Variants in IQCJ observed in about 807,000 individuals in gnomAD.
IQCJ encodes IQ motif containing J.
In IQCJ, 9 loss-of-function variants were observed where a neutral mutation model predicts 11.0. The ratio of observed to expected loss-of-function variants is 0.82; its 90% CI spans 0.49 to 1.43. The LOEUF is 1.43. Ranked by LOEUF, IQCJ falls within the 40% of genes most tolerant of loss-of-function variation. The pLI is 0.00. For missense variants in IQCJ, 146 were observed against 133.2 expected, an observed-to-expected ratio of 1.10 and a Z score of -0.47; for synonymous variants, 55 against 51.3, an observed-to-expected ratio of 1.07 and a Z score of -0.31.
downstream of IQCJ, chr3:159,265,501 A>G (rs765633135): frequency 3.6e-5 from 34 of 941,564 alleles, no homozygotes; most frequent in Non-Finnish European, 5.0e-5. Context: ...CCATGAGTCC[A>G]TTTGGAACTT....
intron 1 of IQCJ, among the ~76,000 whole-genome samples, chr3:159,205,658 G>T (rs1724616505): frequency 6.6e-6 from 1 of 152,154 alleles, no homozygotes; most frequent in Admixed American, 6.5e-5. Context: ...GAAGGCAAAG[G>T]CCAGACATCT....
At chr3:159,143,641 A>C (rs1015047851) in intron 1 of IQCJ, among the ~76,000 whole-genome samples, 5 of 152,184 alleles carry the variant, frequency 3.3e-5, no homozygotes, top group African/African-American at 1.2e-4. Flanking sequence ...AGGTTGGAGG[A>C]AGGAGAGAAG....
At chr3:159,119,982 T>C (rs1335641037) in intron 1 of IQCJ, among the ~76,000 whole-genome samples, 1 of 152,252 alleles carries the variant, frequency 6.6e-6, no homozygotes, top group Non-Finnish European at 1.5e-5. Flanking sequence ...TTTTTTAGAA[T>C]TGTATATTTC....
intron 1 of IQCJ, among the ~76,000 whole-genome samples, chr3:159,121,170 G>A (rs1263358109): frequency 7.0e-6 from 1 of 142,180 alleles, no homozygotes; most frequent in African/African-American, 2.6e-5. Flanking sequence ...GTCTTGCACT[G>A]TTGCCCAGGC....
chr3:159,193,364 C>T (rs1723798737), intron 1 of IQCJ, among the ~76,000 whole-genome samples: 1 of 152,138 alleles, frequency 6.6e-6, no homozygotes, highest in Non-Finnish European at 1.5e-5. Flanking sequence ...GTGTTATTTC[C>T]AATCTGATAC....
chr3:159,141,321 G>A (rs577946347), intron 1 of IQCJ, among the ~76,000 whole-genome samples: 1 of 152,288 alleles, frequency 6.6e-6, no homozygotes, highest in South Asian at 2.1e-4. Flanking sequence ...GGAGGTGGAG[G>A]TGAATGATAA....
At chr3:159,153,329 A>C (rs1190990541) in intron 1 of IQCJ, among the ~76,000 whole-genome samples, 2 of 152,186 alleles carry the variant, frequency 1.3e-5, no homozygotes, top group Non-Finnish European at 2.9e-5. Flanking sequence ...AAATAACGGA[A>C]ACCCTCTGTT....
At chr3:159,176,710 G>T (rs189659968) in intron 1 of IQCJ, among the ~76,000 whole-genome samples, 1 of 152,096 alleles carries the variant, frequency 6.6e-6, no homozygotes, top group Non-Finnish European at 1.5e-5. Flanking sequence ...TACTCAATGC[G>T]AAAATTAATG....
rs1338371209 is a variant in IQCJ at position 159,245,848 on chromosome 3, A to G, written c.15A>G (p.Glu5=). The G allele has an allele frequency of 6.5e-7, 1 of 1,546,270 alleles. No homozygotes were observed. The highest frequency in any genetic ancestry group is 8.8e-7 in the Non-Finnish European group (1 of 1,141,064). Residue 5 remains glutamate, a synonymous_variant, in exon 2 of 4, where the codon GAA becomes GAG. Coordinates refer to ENST00000397832, the MANE Select transcript of IQCJ (RefSeq NM_001042706.3). ...ATATCTTCTCTTTTTCACAGGAAGA[A>G]CTGAAAAGATTGCAGAATCCTCTAG... The part of the protein sequence containing the change: MRLE[E]LKRLQNPLEQ...
intron 2 of IQCJ, among the ~76,000 whole-genome samples, chr3:159,249,392 T>C (rs913430353): frequency 6.6e-6 from 1 of 152,210 alleles, no homozygotes; most frequent in Non-Finnish European, 1.5e-5. Context: ...CAGTTTGTTT[T>C]GTGTGCTTAT....
At chr3:159,225,871 C>G (rs557865237) in intron 1 of IQCJ, among the ~76,000 whole-genome samples, 1 of 152,208 alleles carries the variant, frequency 6.6e-6, no homozygotes, top group Non-Finnish European at 1.5e-5. Flanking sequence ...TCTGCCTGAC[C>G]AGCTACAAAC....
intron 1 of IQCJ, among the ~76,000 whole-genome samples, chr3:159,192,688 T>C (rs559643102): frequency 5.1e-4 from 78 of 152,352 alleles, no homozygotes; most frequent in Non-Finnish European, 9.3e-4. Context: ...AGAAATTATA[T>C]TGTGCATTAT....
chr3:159,116,740 C>G (rs1719046189), intron 1 of IQCJ, among the ~76,000 whole-genome samples: 1 of 147,578 alleles, frequency 6.8e-6, no homozygotes, highest in Non-Finnish European at 1.5e-5. Context: ...ATTTGCATAT[C>G]TAAACATCTC....
intron 1 of IQCJ, among the ~76,000 whole-genome samples, chr3:159,156,938 T>A (rs1462594885): frequency 6.6e-6 from 1 of 152,176 alleles, no homozygotes; most frequent in African/African-American, 2.4e-5. Context: ...ATTTTCAACT[T>A]TTTAAGTCCT....
At chr3:159,244,769 A>G (rs565838062) in intron 1 of IQCJ, among the ~76,000 whole-genome samples, 1 of 152,128 alleles carries the variant, frequency 6.6e-6, no homozygotes, top group African/African-American at 2.4e-5. Context: ...GATCTAGGAG[A>G]CTTGGGTGTC....
intron 1 of IQCJ, among the ~76,000 whole-genome samples, chr3:159,077,502 T>C (rs1716004798): frequency 6.6e-6 from 1 of 152,130 alleles, no homozygotes; most frequent in South Asian, 2.1e-4. Flanking sequence ...ATCCATGCAA[T>C]GGAATACTGC....
chr3:159,117,986 G>A (rs944274771), intron 1 of IQCJ, among the ~76,000 whole-genome samples: 13 of 152,126 alleles, frequency 8.5e-5, no homozygotes, highest in African/African-American at 3.1e-4. Flanking sequence ...ATCAAACTGA[G>A]GTGCAAAGTA....
intron 1 of IQCJ, among the ~76,000 whole-genome samples, chr3:159,091,037 A>T (rs539383267): frequency 6.6e-6 from 1 of 151,886 alleles, no homozygotes; most frequent in Non-Finnish European, 1.5e-5. Context: ...TTTCAAAATG[A>T]TGTTAATATA....
chr3:159,193,811 A>G (rs1361018125), intron 1 of IQCJ, among the ~76,000 whole-genome samples: 1 of 152,224 alleles, frequency 6.6e-6, no homozygotes, highest in Middle Eastern at 3.2e-3. Flanking sequence ...GTTGGTCAGC[A>G]GTGAAATCTA....
Sources: gnomAD v4.1 joint callset for allele counts (sites outside exome capture counted in the v4.1 genomes callset) on GRCh38, gnomAD v4.1.1 for gene constraint, MANE v1.5 for transcripts, NCBI Gene and HGNC (gene_info 2026-07-23, HGNC 2026-07-21) for gene names.